FAM20C: variants seen among roughly 807,000 people sequenced by gnomAD.
FAM20C encodes the protein FAM20C golgi associated secretory pathway kinase, also known as extracellular serine/threonine protein kinase FAM20C.
Under a neutral mutation model 51.5 loss-of-function variants are expected in FAM20C, and 40 were observed. The observed-to-expected ratio is 0.78, with a 90% CI of 0.60 to 1.01. The LOEUF (loss-of-function observed/expected upper bound fraction) is 1.01. Among genes scored for constraint, FAM20C ranks in the 50% least tolerant of loss-of-function variants. The pLI, the probability that FAM20C is intolerant of heterozygous loss-of-function variation, is 0.00. For missense variants in FAM20C, 861 were observed against 844.7 expected (o/e 1.02, Z -0.24); for synonymous variants, 406 against 380.6 (o/e 1.07, Z -0.78).
chr7:256,605 C>T, intron 6 of FAM20C, 49 bp from the exon 7 acceptor site: 2 of 1,444,316 alleles, frequency 1.4e-6, no homozygotes, highest in Non-Finnish European at 1.9e-6. Flanking sequence ...ACGCGCCGGG[C>T]TCCCCAGAAT....
chr7:260,103 C>G lies in FAM20C; in HGVS notation c.*123C>G. 1 of 1,316,684 alleles carries G rather than the reference C, an allele frequency of 7.6e-7. No individual in the cohort carries two copies. The highest frequency in any genetic ancestry group is 9.9e-7 in the Non-Finnish European group (1 of 1,007,404). 81.6% of individuals were successfully genotyped at this position (1,316,684 alleles called of 1,614,324 possible). Reference sequence around the variant, plus strand: ...GGACGGGATCATCCGGAGTCGGGAGCTGCTGCCACAGGAGGCGAGGCTCCC... The same window carrying G: ...GGACGGGATCATCCGGAGTCGGGAGGTGCTGCCACAGGAGGCGAGGCTCCC... On this transcript the variant is annotated 3_prime_UTR_variant, in exon 10 of 10. Coordinates refer to ENST00000313766, the MANE Select transcript of FAM20C (RefSeq NM_020223.4).
At chr7:254,237 C>G (rs1002967809) in intron 5 of FAM20C, among the ~76,000 whole-genome samples, 4 of 152,208 alleles carry the variant, frequency 2.6e-5, no homozygotes, top group Non-Finnish European at 1.5e-5. Context: ...GGCCACCCTC[C>G]TGTTCACTCC....
rs192542992 is a variant in FAM20C, at chr7:195,751, A to T, written c.784+19A>T. The T allele has an allele frequency of 3.5e-3, 5,485 of 1,563,758 alleles. 298 individuals are homozygous for T. The Admixed American group carries it at 0.09, about 26-fold the overall frequency. On this transcript the variant is annotated intron_variant, in intron 2 of 9. Coordinates refer to ENST00000313766, the MANE Select transcript of FAM20C (RefSeq NM_020223.4). ...AGCGTGGGTAGGTGTCCTTGGGTGC[A>T]CTCAGGGCCGTCTGTGTGCCGGCTG...
chr7:242,505 T>C (rs1289177371), intron 3 of FAM20C, among the ~76,000 whole-genome samples: 4 of 151,218 alleles, frequency 2.6e-5, no homozygotes, highest in Admixed American at 6.6e-5. Context: ...GAGACAGCAC[T>C]GTTCGGTGCA....
chr7:194,047 A>C, intron 1 of FAM20C: 2 of 540,892 alleles, frequency 3.7e-6, no homozygotes, highest in Non-Finnish European at 3.0e-6. Context: ...AGGAAGCCAG[A>C]CCCCGCGCCC....
At chr7:196,249 C>G (rs1169414678) in intron 2 of FAM20C, among the ~76,000 whole-genome samples, 1 of 152,122 alleles carries the variant, frequency 6.6e-6, no homozygotes, top group Non-Finnish European at 1.5e-5. Flanking sequence ...AGGCAGGGCT[C>G]AGGACGGAGG....
intron 5 of FAM20C, among the ~76,000 whole-genome samples, chr7:254,964 C>T (rs1188445214): frequency 6.6e-6 from 1 of 152,232 alleles, no homozygotes; most frequent in African/African-American, 2.4e-5. Flanking sequence ...ACGGATGGAC[C>T]ATGTTCACCT....
At chr7:223,019 G>A (rs748343445) in intron 3 of FAM20C, among the ~76,000 whole-genome samples, 1 of 144,718 alleles carries the variant, frequency 6.9e-6, no homozygotes, top group Non-Finnish European at 1.5e-5. Flanking sequence ...GTACGTGTGT[G>A]TGCCCGTGCA....
intron 3 of FAM20C, among the ~76,000 whole-genome samples, chr7:243,897 G>A (rs974884555): frequency 2.7e-5 from 4 of 150,486 alleles, no homozygotes; most frequent in Non-Finnish European, 4.4e-5. Context: ...CAACTGATAA[G>A]TAGCTGAGGA....
intron 5 of FAM20C, among the ~76,000 whole-genome samples, chr7:254,778 G>A (rs1027009864): frequency 2.0e-5 from 3 of 152,174 alleles, no homozygotes; most frequent in African/African-American, 4.8e-5. Flanking sequence ...CGCAGCCCTC[G>A]ACGAGCAGCG....
intron 3 of FAM20C, among the ~76,000 whole-genome samples, chr7:240,719 C>T (rs1787920769): frequency 6.6e-6 from 1 of 152,196 alleles, no homozygotes; most frequent in Non-Finnish European, 1.5e-5. Flanking sequence ...GAAAACTGAA[C>T]ACTCTTGCCC....
At position 259,966 on chromosome 7, in the gene FAM20C, G is replaced by A. The variant is rs565864949; in HGVS notation, c.1741G>A (p.Ala581Thr). The stretch of plus-strand genomic sequence containing the variant: ...CGACCTGGACACTGAGCACAGAGCC[G>A]CCTCGGCGAGGTAGTGTCCGCCGGC... ...DDDLDTEHRA[A>T]SAR The change falls in exon 10 of 10, where the codon GCC becomes ACC. Residue 581 changes from alanine to threonine, a missense_variant. Ala to Thr is a moderately conservative substitution (Grantham distance 58). This residue lies in a region of FAM20C where 269 missense variants were observed against 283.8 expected (regional missense o/e 0.95). Transcript: ENST00000313766. The A allele has an allele frequency of 6.1e-5, 93 of 1,515,996 alleles. No individual in the cohort carries two copies. Among genetic ancestry groups the A allele is most frequent in the Admixed American group, 5.1e-4 (26 of 50,528 alleles). 93.9% of individuals were successfully genotyped at this position (1,515,996 alleles called of 1,614,324 possible). A position where few individuals can be genotyped will look rare whatever the true frequency, so the allele number is the denominator to read the frequency against.
chr7:258,993 G>T (rs145261799), intron 9 of FAM20C, among the ~76,000 whole-genome samples: 6 of 152,220 alleles, frequency 3.9e-5, no homozygotes, highest in Non-Finnish European at 7.3e-5. Flanking sequence ...CAGGGCAGAC[G>T]CCAGCTGAGA....
Position 260,054 on chromosome 7 carries a change from G to T in FAM20C, c.*74G>T. 1 of 1,422,896 alleles carries T rather than the reference G, an allele frequency of 7.0e-7. No homozygotes were observed. 88.1% of individuals were successfully genotyped at this position (1,422,896 alleles called of 1,614,324 possible). On this transcript the variant is annotated 3_prime_UTR_variant, in exon 10 of 10. Transcript: ENST00000313766. Reference sequence around the variant, plus strand: ...CTCCCAGCAAGCGCATGCGCCCGTCGTGAATTCAGTGAATTCAGAGGCAGG... The same window carrying T: ...CTCCCAGCAAGCGCATGCGCCCGTCTTGAATTCAGTGAATTCAGAGGCAGG...
rs139938270 is a variant in FAM20C at position 248,702 on chromosome 7, C to G, written c.1072+272C>G. On this transcript the variant is annotated intron_variant, in intron 5 of 9. Transcript: ENST00000313766. ...CTCTCCAGGTAGCCTGGCACGGGGGCCCGCATTCATCTCTCCAGGTAGCCT... is the reference window on the plus strand; with the variant it reads ...CTCTCCAGGTAGCCTGGCACGGGGGGCCGCATTCATCTCTCCAGGTAGCCT... Among the ~76,000 whole-genome samples the G allele has an allele frequency of 0.19, 22,685 of 119,842 alleles. 2,555 individuals carry two copies. Among genetic ancestry groups the G allele is most frequent in the Non-Finnish European group, 0.23 (12,480 of 54,318 alleles). 78.6% of individuals were successfully genotyped at this position (119,842 alleles called of 152,430 possible).
chr7:237,413 A>G (rs1787879029), intron 3 of FAM20C, among the ~76,000 whole-genome samples: 1 of 152,232 alleles, frequency 6.6e-6, no homozygotes, highest in African/African-American at 2.4e-5. Flanking sequence ...GTATGCGTTC[A>G]CAGCAACAGT....
chr7:243,008 CACCAGGAGACCTGTGCTA>C (rs1290347995), intron 3 of FAM20C, among the ~76,000 whole-genome samples: 8 of 148,584 alleles, frequency 5.4e-5, no homozygotes, highest in South Asian at 2.1e-4. Context: ...AGACCTGTGC[CACCAGGAGACCTGTGCTA>C]ACCAGGAGAC....
chr7:213,468 A>T (rs1042246443), intron 3 of FAM20C, among the ~76,000 whole-genome samples: 1 of 152,266 alleles, frequency 6.6e-6, no homozygotes, highest in Non-Finnish European at 1.5e-5. Flanking sequence ...TGTGACTGAC[A>T]CGTGGTTCCA....
intron 9 of FAM20C, among the ~76,000 whole-genome samples, chr7:259,087 T>C (rs919153422): frequency 6.6e-6 from 1 of 152,350 alleles, no homozygotes; most frequent in African/African-American, 2.4e-5. Context: ...TTCCCCCGTT[T>C]CATGGCTGGG....
Sources: gnomAD v4.1 joint callset for allele counts (sites outside exome capture counted in the v4.1 genomes callset) on GRCh38, gnomAD v4.1.1 for gene constraint, gnomAD v4.1.1 regional missense constraint, MANE v1.5 for transcripts, NCBI Gene and HGNC (gene_info 2026-07-23, HGNC 2026-07-21) for gene names.